Variants in APBB2 observed in about 807,000 individuals in gnomAD.
APBB2 encodes Fe65-like 1.
In APBB2, 38 loss-of-function variants were observed where a neutral mutation model predicts 82.5. The ratio of observed to expected loss-of-function variants is 0.46; its 90% CI spans 0.36 to 0.60. The LOEUF (loss-of-function observed/expected upper bound fraction) is 0.60, where lower values mean the gene tolerates loss of function less well. APBB2 is among the 20% of genes least tolerant of loss of function. The pLI is 0.00. For missense variants in APBB2, 772 were observed against 972.3 expected (o/e 0.79, Z 2.74); for synonymous variants, 341 against 368.2 (o/e 0.93, Z 0.85).
intron 10 of APBB2, 91 bp downstream of exon 10, chr4:40,934,365 G>T: frequency 7.8e-7 from 1 of 1,287,564 alleles, no homozygotes; most frequent in South Asian, 1.2e-5. Flanking sequence ...ATGGCTCTGG[G>T]TTGATGGTTT....
At chr4:40,854,362 T>C (rs1452944144) in intron 12 of APBB2, among the ~76,000 whole-genome samples, 2 of 152,212 alleles carry the variant, frequency 1.3e-5, no homozygotes, top group Non-Finnish European at 2.9e-5. Context: ...AGAGGTTATA[T>C]GCCATCAGTT....
At chr4:40,914,940 A>C (rs1027152292) in intron 10 of APBB2, among the ~76,000 whole-genome samples, 2 of 152,208 alleles carry the variant, frequency 1.3e-5, no homozygotes, top group Non-Finnish European at 2.9e-5. Context: ...GCTACTGACT[A>C]GAACCTTCAG....
At chr4:41,040,050 T>C (rs1720749845) in intron 4 of APBB2, among the ~76,000 whole-genome samples, 1 of 152,028 alleles carries the variant, frequency 6.6e-6, no homozygotes, top group African/African-American at 2.4e-5. Flanking sequence ...GTGAAAACGT[T>C]CACAAATAGT....
At chr4:41,118,659 A>G (rs557916931) in intron 2 of APBB2, among the ~76,000 whole-genome samples, 69 of 152,312 alleles carry the variant, frequency 4.5e-4, no homozygotes, top group African/African-American at 1.6e-3. Flanking sequence ...AGGTTTTTAT[A>G]TGTGGTACTT....
chr4:41,140,203 CT>C (rs1487426241), intron 2 of APBB2, among the ~76,000 whole-genome samples: 3 of 152,224 alleles, frequency 2.0e-5, no homozygotes, highest in African/African-American at 7.2e-5. Context: ...CTCCAGACAG[CT>C]TTCTGATAGC....
chr4:40,820,324 C>T (rs1048372699), intron 17 of APBB2, among the ~76,000 whole-genome samples: 2 of 152,214 alleles, frequency 1.3e-5, no homozygotes, highest in African/African-American at 4.8e-5. Flanking sequence ...TTCCTCCAAC[C>T]TATCCTCTAC....
At chr4:41,151,590 T>C (rs1351182555) in intron 1 of APBB2, among the ~76,000 whole-genome samples, 1 of 151,670 alleles carries the variant, frequency 6.6e-6, no homozygotes. Flanking sequence ...TAGGTTTTTC[T>C]GAAAGCGTAT....
chr4:41,209,058 C>T lies in APBB2; in HGVS notation c.-417+5347G>A, dbSNP rs538518739. Among the ~76,000 whole-genome samples the T allele has an allele frequency of 2.8e-4, 43 of 152,244 alleles. No individual in the cohort carries two copies. In the South Asian group the frequency reaches 8.7e-3, roughly 31 times the overall value. The stretch of plus-strand genomic sequence containing the variant: ...CTTCCTGCCCAGTTGTGTGACTTGA[C>T]CTTCCACCCTCTATGCCCTTCCTCT... On this transcript the variant is annotated intron_variant, in intron 1 of 17. Coordinates refer to ENST00000508593, the MANE Select transcript of APBB2 (RefSeq NM_004307.2).
At chr4:41,085,212 C>T (rs1253229342) in intron 3 of APBB2, among the ~76,000 whole-genome samples, 1 of 146,922 alleles carries the variant, frequency 6.8e-6, no homozygotes, top group Admixed American at 6.9e-5. Context: ...AATTGCACCA[C>T]TGCACTCCAG....
intron 3 of APBB2, among the ~76,000 whole-genome samples, chr4:41,080,683 G>T (rs1236262929): frequency 5.4e-5 from 8 of 148,926 alleles, no homozygotes; most frequent in Non-Finnish European, 1.0e-4. Context: ...ATTTCAGTTG[G>T]TGATGTAAAT....
intron 5 of APBB2, among the ~76,000 whole-genome samples, chr4:41,030,110 C>G (rs6857908): frequency 6.6e-6 from 1 of 151,934 alleles, no homozygotes; most frequent in African/African-American, 2.4e-5. Context: ...GAGCTGAGGT[C>G]GCACCACCGC....
chr4:41,186,089 T>C (rs1772820189), intron 1 of APBB2, among the ~76,000 whole-genome samples: 1 of 152,206 alleles, frequency 6.6e-6, no homozygotes, highest in Non-Finnish European at 1.5e-5. Flanking sequence ...AAATATTTTA[T>C]AACCATAAAT....
At chr4:41,172,357 G>GTA (rs953148844) in intron 1 of APBB2, among the ~76,000 whole-genome samples, 11 of 151,414 alleles carry the variant, frequency 7.3e-5, no homozygotes, top group Non-Finnish European at 1.6e-4. Flanking sequence ...TTTGGCCTAC[G>GTA]TAACTTCTAC....
intron 6 of APBB2, among the ~76,000 whole-genome samples, chr4:40,953,550 C>T (rs1053289982): frequency 6.6e-6 from 1 of 152,122 alleles, no homozygotes; most frequent in Non-Finnish European, 1.5e-5. Flanking sequence ...ACACTTCCAA[C>T]TCAGGCCTCT....
chr4:40,865,944 A>G (rs1399049984), intron 12 of APBB2, among the ~76,000 whole-genome samples: 1 of 152,210 alleles, frequency 6.6e-6, no homozygotes, highest in East Asian at 1.9e-4. Context: ...AAACCAAAAA[A>G]TCCTGGCAAT....
intron 7 of APBB2, among the ~76,000 whole-genome samples, chr4:40,940,989 G>A (rs565213205): frequency 6.6e-6 from 1 of 152,292 alleles, no homozygotes; most frequent in South Asian, 2.1e-4. Context: ...AAATACTGCT[G>A]GCATATGCAG....
At position 40,920,894 on chromosome 4, in the gene APBB2, G is replaced by A. The variant is rs141444970; in HGVS notation, c.1254+13562C>T. On this transcript the variant is annotated intron_variant, in intron 10 of 17. Transcript: ENST00000508593. ...CTCATAAACACAAAACAAAAAACAA[G>A]GCCAGGGACGGGCTGACCTACACTG... 6.5e-3 allele frequency among the ~76,000 whole-genome samples: 985 copies of A among 151,984 alleles called. 15 individuals carry two copies. The highest frequency in any genetic ancestry group is 0.023 in the African/African-American group (935 of 41,422).
At chr4:41,002,917 G>A (rs77116466) in intron 6 of APBB2, among the ~76,000 whole-genome samples, 1 of 130,254 alleles carries the variant, frequency 7.7e-6, no homozygotes, top group African/African-American at 2.9e-5. Flanking sequence ...AAAATCCTAT[G>A]TTTCCTAAGA....
At chr4:40,821,059 G>A (rs1264769603) in intron 17 of APBB2, among the ~76,000 whole-genome samples, 1 of 152,156 alleles carries the variant, frequency 6.6e-6, no homozygotes, top group Non-Finnish European at 1.5e-5. Flanking sequence ...TAGAGACAGG[G>A]CTTCTCCATT....
Sources: allele counts gnomAD v4.1 joint callset (sites outside exome capture counted in the v4.1 genomes callset), GRCh38; gene constraint gnomAD v4.1.1; transcripts MANE v1.5; gene names NCBI Gene and HGNC (gene_info 2026-07-23, HGNC 2026-07-21).